PTPRA: variants seen among roughly 807,000 people sequenced by gnomAD.
PTPRA encodes receptor-type tyrosine-protein phosphatase alpha.
In PTPRA, 25 loss-of-function variants were observed where a neutral mutation model predicts 104.8. The ratio of observed to expected loss-of-function variants is 0.24; its 90% confidence interval spans 0.17 to 0.33. PTPRA has a LOEUF of 0.33. Among genes scored for constraint, PTPRA ranks in the 10% least tolerant of loss-of-function variants. The pLI, the probability that PTPRA is intolerant of heterozygous loss-of-function variation, is 1.00. For missense variants in PTPRA, 765 were observed against 1,015.3 expected (o/e 0.75, Z 3.35); for synonymous variants, 323 against 368.9 (o/e 0.88, Z 1.43).
chr20:2,896,118 T>C (rs1197677519), intron 1 of PTPRA, among the ~76,000 whole-genome samples: 3 of 152,004 alleles, frequency 2.0e-5, no homozygotes, highest in Non-Finnish European at 2.9e-5. Context: ...CTCACACCTG[T>C]AATCCCAGCA....
At chr20:3,011,288 G>A (rs2064157308) in intron 11 of PTPRA, among the ~76,000 whole-genome samples, 1 of 152,230 alleles carries the variant, frequency 6.6e-6, no homozygotes, top group Admixed American at 6.5e-5. Context: ...AGGGATTAAA[G>A]ATTTGGATTT....
intron 1 of PTPRA, among the ~76,000 whole-genome samples, chr20:2,891,718 C>T (rs1177246805): frequency 2.0e-5 from 3 of 152,064 alleles, no homozygotes; most frequent in Admixed American, 6.6e-5. Context: ...GCAGTTGTCT[C>T]TTAGTATCTT....
intron 9 of PTPRA, among the ~76,000 whole-genome samples, chr20:2,990,955 A>G (rs1323816061): frequency 6.6e-6 from 1 of 152,198 alleles, no homozygotes; most frequent in Non-Finnish European, 1.5e-5. Flanking sequence ...CAAGAGTTGA[A>G]GTGGGAGACC....
chr20:3,004,869 A>C (rs1241931053), intron 9 of PTPRA, among the ~76,000 whole-genome samples, 187 bp from the exon 10 acceptor site: 1 of 152,232 alleles, frequency 6.6e-6, no homozygotes, highest in Admixed American at 6.5e-5. Flanking sequence ...TTGAACTCTA[A>C]GGAGCTTGTG....
intron 1 of PTPRA, among the ~76,000 whole-genome samples, chr20:2,891,931 G>A (rs745972691): frequency 2.0e-5 from 3 of 152,048 alleles, no homozygotes; most frequent in Non-Finnish European, 4.4e-5. Flanking sequence ...TTTTAAGTTT[G>A]TTTCTTATTT....
intron 5 of PTPRA, among the ~76,000 whole-genome samples, chr20:2,968,870 G>A (rs867076088): frequency 4.0e-5 from 6 of 151,822 alleles, no homozygotes; most frequent in African/African-American, 7.3e-5. Flanking sequence ...AGCTGTGATC[G>A]CACCACCGTA....
intron 1 of PTPRA, among the ~76,000 whole-genome samples, chr20:2,922,322 A>G (rs2060124976): frequency 6.6e-6 from 1 of 152,162 alleles, no homozygotes; most frequent in African/African-American, 2.4e-5. Context: ...TAATGTTTAA[A>G]TAGGGCTGTT....
At position 3,037,407 on chromosome 20, in the gene PTPRA, C is replaced by T. The variant is rs552793604; in HGVS notation, c.2334+118C>T. 590 of 1,461,646 alleles carry T rather than the reference C, an allele frequency of 4.0e-4. No individual in the cohort carries two copies. The highest frequency in any genetic ancestry group is 5.0e-4 in the Non-Finnish European group (549 of 1,089,854). 90.5% of individuals were successfully genotyped at this position (1,461,646 alleles called of 1,614,324 possible). On this transcript the variant is annotated intron_variant, in intron 23 of 23. Coordinates refer to ENST00000399903, the MANE Select transcript of PTPRA (RefSeq NM_001385305.1). This position sits in a 1 kb window ranked among gnomAD's most constrained non-coding sequence, Gnocchi z 4.3. Reference sequence around the variant, plus strand: ...GAAGACTGTCTAAACACAGACCTGCCCTTGCCCTCCCAAGGTGCCCCAAAT... The same window carrying T: ...GAAGACTGTCTAAACACAGACCTGCTCTTGCCCTCCCAAGGTGCCCCAAAT...
chr20:3,002,313 A>G (rs1290066916), intron 9 of PTPRA, among the ~76,000 whole-genome samples: 1 of 142,402 alleles, frequency 7.0e-6, no homozygotes, highest in Non-Finnish European at 1.5e-5. Context: ...TCCATCTCCA[A>G]ATGTAGTAAT....
chr20:2,969,420 G>T lies in PTPRA; in HGVS notation c.415+4218G>T, dbSNP rs558757665. Among the ~76,000 whole-genome samples the T allele has an allele frequency of 1.1e-4, 16 of 151,042 alleles. No homozygotes were observed. In the South Asian group the frequency reaches 1.7e-3, roughly 16 times the overall value. On this transcript the variant is annotated intron_variant, in intron 5 of 23. Transcript: ENST00000399903. ...CCACCACCACACCCAGCTGTTTTTTGTATTTTTAGTAGAGACAGGTTTCAC... is the reference window on the plus strand; with the variant it reads ...CCACCACCACACCCAGCTGTTTTTTTTATTTTTAGTAGAGACAGGTTTCAC...
intron 16 of PTPRA, among the ~76,000 whole-genome samples, chr20:3,023,048 A>T (rs745882862): frequency 3.3e-5 from 5 of 152,214 alleles, no homozygotes; most frequent in Non-Finnish European, 2.9e-5. Flanking sequence ...CTGCCTTGAG[A>T]TGCTGTTAAT....
At chr20:2,939,065 T>C (rs1244702783) in intron 2 of PTPRA, among the ~76,000 whole-genome samples, 1 of 152,216 alleles carries the variant, frequency 6.6e-6, no homozygotes, top group Non-Finnish European at 1.5e-5. Context: ...TGTCCCACTT[T>C]TGTCGACTGT....
intron 13 of PTPRA, among the ~76,000 whole-genome samples, chr20:3,019,759 G>C (rs942105164): frequency 2.0e-5 from 3 of 152,136 alleles, no homozygotes; most frequent in Non-Finnish European, 4.4e-5. Flanking sequence ...CCAAGATCAC[G>C]CCACTGCACT....
chr20:2,865,016 C>G, the PTPRA span: 3 of 1,614,146 alleles, frequency 1.9e-6, no homozygotes, highest in Non-Finnish European at 2.5e-6. The surrounding 1 kb of genome is among the most constrained non-coding windows in gnomAD (Gnocchi z 5.2). Flanking sequence ...AGACAGCCGC[C>G]GATGCCTTCT....
chr20:3,014,629 G>T (rs530409596), intron 11 of PTPRA, among the ~76,000 whole-genome samples: 56 of 151,824 alleles, frequency 3.7e-4, no homozygotes, highest in Non-Finnish European at 6.3e-4. Context: ...GGGTGACAGA[G>T]CAAGACTCCG....
intron 3 of PTPRA, among the ~76,000 whole-genome samples, chr20:2,961,419 C>A (rs138172344): frequency 6.6e-6 from 1 of 152,078 alleles, no homozygotes; most frequent in Non-Finnish European, 1.5e-5. Flanking sequence ...GCTTATTTGC[C>A]GTACTGTTTA....
chr20:2,963,604 A>T (rs1408147535), intron 3 of PTPRA, among the ~76,000 whole-genome samples: 1 of 152,112 alleles, frequency 6.6e-6, no homozygotes, highest in East Asian at 1.9e-4. Context: ...AAAAAAAAAT[A>T]AAAAAGGAGT....
At chr20:2,970,482 T>A (rs1463265926) in intron 5 of PTPRA, among the ~76,000 whole-genome samples, 1 of 152,224 alleles carries the variant, frequency 6.6e-6, no homozygotes, top group Non-Finnish European at 1.5e-5. Context: ...TTTGTGTAAT[T>A]TAAAAGATCA....
At chr20:2,916,959 C>CTTTTTTTTTTTTTTT (rs35317223) in intron 1 of PTPRA, among the ~76,000 whole-genome samples, 1 of 131,548 alleles carries the variant, frequency 7.6e-6, no homozygotes, top group African/African-American at 2.9e-5. Flanking sequence ...TTTTTTATTT[C>CTTTTTTTTTTTTTTT]TTTTTTTTTT....
Sources: allele counts gnomAD v4.1 joint callset (sites outside exome capture counted in the v4.1 genomes callset), GRCh38; gene constraint gnomAD v4.1.1; non-coding constraint Gnocchi (gnomAD v3.1); transcripts MANE v1.5; gene names NCBI Gene and HGNC (gene_info 2026-07-23, HGNC 2026-07-21).